ADAT2: variants seen among roughly 807,000 people sequenced by gnomAD.
ADAT2 encodes adenosine deaminase tRNA specific 2, also known as tRNA-specific adenosine-34 deaminase catalytic subunit ADAT2.
In ADAT2, 26 loss-of-function variants were observed where a neutral mutation model predicts 25.9. The ratio of observed to expected loss-of-function variants is 1.00; its 90% CI spans 0.74 to 1.39. The LOEUF is 1.39. Ranked by LOEUF, ADAT2 falls within the 40% of genes most tolerant of loss-of-function variation. The probability of loss-of-function intolerance (pLI) is 0.00; values close to 1 mark genes in which losing one functional copy is unlikely to be tolerated. For missense variants in ADAT2, 220 were observed against 244.8 expected, an observed-to-expected ratio of 0.90 and a Z score of 0.68; for synonymous variants, 76 against 86.8, an observed-to-expected ratio of 0.88 and a Z score of 0.69.
chr6:143,445,844 G>A (rs1779584301), intron 1 of ADAT2, among the ~76,000 whole-genome samples: 1 of 152,066 alleles, frequency 6.6e-6, no homozygotes, highest in Admixed American at 6.6e-5. Context: ...TGTCTGTGGT[G>A]TTTGCTTTCT....
At position 143,428,752 on chromosome 6, in the gene ADAT2, A is replaced by G. The variant is rs763709597; in HGVS notation, c.460-68T>C. 31 of 1,389,302 alleles carry G rather than the reference A, an allele frequency of 2.2e-5. No homozygotes were observed. Among genetic ancestry groups the G allele is most frequent in the Non-Finnish European group, 3.1e-5 (31 of 991,818 alleles). 86.1% of individuals were successfully genotyped at this position (1,389,302 alleles called of 1,614,324 possible). On this transcript the variant is annotated intron_variant, in intron 4 of 5. Transcript: ENST00000237283. This position sits in a 1 kb window ranked among gnomAD's most constrained non-coding sequence, Gnocchi z 5.0. Reference sequence around the variant, plus strand: ...AATGTGTGCTGTATCCCATAAAAACAACATATATATACATGATTATGTAAA... The same window carrying G: ...AATGTGTGCTGTATCCCATAAAAACGACATATATATACATGATTATGTAAA...
intron 1 of ADAT2, among the ~76,000 whole-genome samples, chr6:143,448,283 A>G (rs1330798980): frequency 2.0e-5 from 3 of 152,174 alleles, no homozygotes; most frequent in African/African-American, 7.2e-5. Context: ...GGATAGCATT[A>G]GGAGATATAC....
In ADAT2 at chr6:143,427,454, C is replaced by A. The variant is rs1298868187; in HGVS notation, c.*1009G>T. 6.6e-6 allele frequency: 1 copy of A among 152,268 alleles called. No homozygotes were observed. The highest frequency in any genetic ancestry group is 1.5e-5 in the Non-Finnish European group (1 of 68,058). The allele number at this position is 152,268 out of a possible 1,614,324, so 9.4% of individuals were successfully genotyped here. A position where few individuals can be genotyped will look rare whatever the true frequency, so the allele number is the denominator to read the frequency against. Reference sequence around the variant, plus strand: ...GGGCTGTGCAAAGCTGCCCTGTAGTCATGGAGGTGAACTGGGGACTTCCTG... The same window carrying A: ...GGGCTGTGCAAAGCTGCCCTGTAGTAATGGAGGTGAACTGGGGACTTCCTG... On this transcript the variant is annotated 3_prime_UTR_variant, in exon 6 of 6. Transcript: ENST00000237283.
intron 4 of ADAT2, among the ~76,000 whole-genome samples, chr6:143,429,230 T>C (rs563696981): frequency 6.6e-6 from 1 of 152,316 alleles, no homozygotes; most frequent in East Asian, 1.9e-4. Context: ...ATGGTTTTTA[T>C]ATCTTAAAAG....
chr6:143,428,943 C>T lies in ADAT2; in HGVS notation c.460-259G>A, dbSNP rs187643760. 1.1e-3 allele frequency among the ~76,000 whole-genome samples: 175 copies of T among 152,328 alleles called. No individual in the cohort carries two copies. Among genetic ancestry groups the T allele is most frequent in the Non-Finnish European group, 1.8e-3 (120 of 68,028 alleles). ...CATCCATTAACTATTATAGAAGTTACCAGCTTTGTGATCTTGGGTTAGGCA... is the reference window on the plus strand; with the variant it reads ...CATCCATTAACTATTATAGAAGTTATCAGCTTTGTGATCTTGGGTTAGGCA... On this transcript the variant is annotated intron_variant, in intron 4 of 5. Coordinates refer to ENST00000237283, the MANE Select transcript of ADAT2 (RefSeq NM_182503.3). The surrounding 1 kb of genome is among the most constrained non-coding windows in gnomAD (Gnocchi z 5.0).
At position 143,423,974 on chromosome 6, in the gene ADAT2, T is replaced by A. The variant is rs957746367; in HGVS notation, c.*4489A>T. On this transcript the variant is annotated 3_prime_UTR_variant, in exon 6 of 6. Transcript: ENST00000237283. ...AGAGAGCCTTTGTCAAACTACACCA[T>A]GAAGCCTCCTTAATAGTCATGGATA... 6.6e-6 allele frequency: 1 copy of A among 152,186 alleles called. No homozygotes were observed. Among genetic ancestry groups the A allele is most frequent in the African/African-American group, 2.4e-5 (1 of 41,422 alleles). 9.4% of individuals were successfully genotyped at this position (152,186 alleles called of 1,614,324 possible).
intron 4 of ADAT2, among the ~76,000 whole-genome samples, chr6:143,429,355 A>T (rs1244164480): frequency 6.6e-6 from 1 of 152,202 alleles, no homozygotes; most frequent in African/African-American, 2.4e-5. Context: ...GCTACAGAGG[A>T]TTTTAAAAAA....
At chr6:143,441,148 A>G (rs1483527730) in intron 1 of ADAT2, among the ~76,000 whole-genome samples, 3 of 152,184 alleles carry the variant, frequency 2.0e-5, no homozygotes, top group Non-Finnish European at 4.4e-5. Context: ...GAACTATAAG[A>G]GAATAAACTT....
At chr6:143,435,375 A>G (rs7740441) in intron 2 of ADAT2, among the ~76,000 whole-genome samples, 41,716 of 150,424 alleles carry the variant, frequency 0.28, 5,973 homozygotes, top group Admixed American at 0.32. Flanking sequence ...GCGACTGGGT[A>G]GTGGTGGTGG....
chr6:143,439,364 GAAGAAGA>G (rs1779390445), intron 1 of ADAT2, among the ~76,000 whole-genome samples: 2 of 97,530 alleles, frequency 2.1e-5, no homozygotes, highest in African/African-American at 7.7e-5. Flanking sequence ...AAAAAAAAAA[GAAGAAGA>G]AAGAAAGTTT....
chr6:143,442,203 T>C lies in ADAT2; in HGVS notation c.97-3509A>G, dbSNP rs1779477524. Among the ~76,000 whole-genome samples the C allele has an allele frequency of 6.6e-6, 1 of 152,192 alleles. No individual in the cohort carries two copies. Among genetic ancestry groups the C allele is most frequent in the South Asian group, 2.1e-4 (1 of 4,828 alleles). Reference sequence around the variant, plus strand: ...TGCTAAACAAACTATGGTACACCTGTACCATGGGACACAATGCAGCAATAA... The same window carrying C: ...TGCTAAACAAACTATGGTACACCTGCACCATGGGACACAATGCAGCAATAA... On this transcript the variant is annotated intron_variant, in intron 1 of 5. Coordinates refer to ENST00000237283, the MANE Select transcript of ADAT2 (RefSeq NM_182503.3). This position sits in a 1 kb window ranked among gnomAD's most constrained non-coding sequence, Gnocchi z 4.6.
Position 143,436,876 on chromosome 6 carries a change from A to G in ADAT2, c.201+1714T>C, listed in dbSNP as rs1447982396. ...AAAAATAAATAAATAAATAAAAATT[A>G]AAAGTATGACTTACATATATTCATG... On this transcript the variant is annotated intron_variant, in intron 2 of 5. Coordinates refer to ENST00000237283, the MANE Select transcript of ADAT2 (RefSeq NM_182503.3). The surrounding 1 kb of genome is among the most constrained non-coding windows in gnomAD (Gnocchi z 4.1). Among the ~76,000 whole-genome samples, 1 of 152,204 alleles carries G rather than the reference A, an allele frequency of 6.6e-6. No individual in the cohort carries two copies. Among genetic ancestry groups the G allele is most frequent in the African/African-American group, 2.4e-5 (1 of 41,454 alleles).
intron 1 of ADAT2, among the ~76,000 whole-genome samples, chr6:143,443,017 G>C (rs1178920411): frequency 6.6e-6 from 1 of 152,150 alleles, no homozygotes; most frequent in Non-Finnish European, 1.5e-5. Context: ...TTGAACATAA[G>C]AGCTTACAAT....
intron 1 of ADAT2, among the ~76,000 whole-genome samples, chr6:143,447,634 T>C (rs2128744202): frequency 6.6e-6 from 1 of 152,196 alleles, no homozygotes; most frequent in South Asian, 2.1e-4. Context: ...TGACCATGAA[T>C]TATTTACATA....
chr6:143,431,801 T>C (rs958944855), intron 4 of ADAT2, among the ~76,000 whole-genome samples: 1 of 152,198 alleles, frequency 6.6e-6, no homozygotes, highest in Non-Finnish European at 1.5e-5. Flanking sequence ...TACATTAACC[T>C]TACATCTTGG....
At position 143,440,546 on chromosome 6, in the gene ADAT2, T is replaced by A. The variant is rs1480262163; in HGVS notation, c.97-1852A>T. On this transcript the variant is annotated intron_variant, in intron 1 of 5. Coordinates refer to ENST00000237283, the MANE Select transcript of ADAT2 (RefSeq NM_182503.3). The surrounding 1 kb of genome is among the most constrained non-coding windows in gnomAD (Gnocchi z 4.5). Reference sequence around the variant, plus strand: ...GGCATGGAGAGATGTGAGAAGACAGTATCTGATGCAGTAAGACTGCATTCA... The same window carrying A: ...GGCATGGAGAGATGTGAGAAGACAGAATCTGATGCAGTAAGACTGCATTCA... Among the ~76,000 whole-genome samples, 5 of 152,190 alleles carry A rather than the reference T, an allele frequency of 3.3e-5. No individual in the cohort carries two copies. The East Asian group carries it at 9.6e-4, about 29-fold the overall frequency.
Position 143,432,569 on chromosome 6 carries a change from C to A in ADAT2, c.395G>T (p.Gly132Val). ...AATATTTAGAACAGAGCCACAACCA[C>A]CAAATCGTTCATTCTGACAGCCATA... ...VVYGCQNERF[G>V]GCGSVLNIAS... Residue 132 changes from glycine (G) to valine (V), a missense_variant, in exon 4 of 6, where the codon GGT becomes GTT. Coordinates refer to ENST00000237283, the MANE Select transcript of ADAT2 (RefSeq NM_182503.3). This position sits in a 1 kb window ranked among gnomAD's most constrained non-coding sequence, Gnocchi z 4.4. The A allele has an allele frequency of 6.2e-7, 1 of 1,614,182 alleles. No homozygotes were observed. The highest frequency in any genetic ancestry group is 8.5e-7 in the Non-Finnish European group (1 of 1,180,022).
chr6:143,448,618 GT>G (rs1297294580), intron 1 of ADAT2, among the ~76,000 whole-genome samples: 5 of 152,154 alleles, frequency 3.3e-5, no homozygotes, highest in African/African-American at 9.6e-5. Context: ...AATTTAACAG[GT>G]AAAAAATTGT....
In ADAT2 at chr6:143,427,800, A is replaced by G. The variant is rs1209105366; in HGVS notation, c.*663T>C. On this transcript the variant is annotated 3_prime_UTR_variant, in exon 6 of 6. Coordinates refer to ENST00000237283, the MANE Select transcript of ADAT2 (RefSeq NM_182503.3). Reference sequence around the variant, plus strand: ...TGTCCCATTTATGTCTTTATCTTTTAAGACTATTCATCTTCAAATAAGACA... The same window carrying G: ...TGTCCCATTTATGTCTTTATCTTTTGAGACTATTCATCTTCAAATAAGACA... The G allele has an allele frequency of 6.6e-6, 1 of 152,226 alleles. No individual in the cohort carries two copies. The highest frequency in any genetic ancestry group is 1.5e-5 in the Non-Finnish European group (1 of 68,072). The allele number at this position is 152,226 out of a possible 1,614,324, so 9.4% of individuals were successfully genotyped here.
Sources: allele counts gnomAD v4.1 joint callset (sites outside exome capture counted in the v4.1 genomes callset), GRCh38; gene constraint gnomAD v4.1.1; non-coding constraint Gnocchi (gnomAD v3.1); transcripts MANE v1.5; gene names NCBI Gene and HGNC (gene_info 2026-07-23, HGNC 2026-07-21).